ZDHHC14: variants seen among roughly 807,000 people sequenced by gnomAD.
ZDHHC14 encodes the protein palmitoyltransferase ZDHHC14.
Under a neutral mutation model 47.7 loss-of-function variants are expected in ZDHHC14, and 16 were observed. The observed-to-expected ratio is 0.34, with a 90% confidence interval of 0.23 to 0.51. ZDHHC14 has a LOEUF of 0.51. Ranked by LOEUF, ZDHHC14 falls within the 20% of genes least tolerant of loss-of-function variation. The pLI, the probability that ZDHHC14 is intolerant of heterozygous loss-of-function variation, is 0.97. For synonymous variants in ZDHHC14, 293 were observed against 278.9 expected, an observed-to-expected ratio of 1.05 and a Z score of -0.50; for missense variants, 515 against 662.5, an observed-to-expected ratio of 0.78 and a Z score of 2.44.
intron 3 of ZDHHC14, among the ~76,000 whole-genome samples, chr6:157,622,091 G>T (rs1424640314): frequency 6.6e-6 from 1 of 151,892 alleles, no homozygotes; most frequent in Non-Finnish European, 1.5e-5. Flanking sequence ...ATTCTTTTCG[G>T]CTGGGCATGG....
chr6:157,464,992 A>T (rs111934554), intron 1 of ZDHHC14, among the ~76,000 whole-genome samples: 2,969 of 152,282 alleles, frequency 0.019, 102 homozygotes, highest in African/African-American at 0.068. Context: ...CAGCCTTGAA[A>T]GACCCAGGCT....
intron 2 of ZDHHC14, among the ~76,000 whole-genome samples, chr6:157,574,088 A>G (rs763141575): frequency 9.2e-5 from 14 of 151,550 alleles, no homozygotes; most frequent in Non-Finnish European, 1.9e-4. Context: ...AAATGACTCA[A>G]CAACACCACA....
At chr6:157,469,900 T>C (rs1428912092) in intron 1 of ZDHHC14, among the ~76,000 whole-genome samples, 1 of 152,198 alleles carries the variant, frequency 6.6e-6, no homozygotes, top group African/African-American at 2.4e-5. Context: ...CTGTCACTTC[T>C]TCCCTCTCTC....
intron 1 of ZDHHC14, among the ~76,000 whole-genome samples, chr6:157,408,372 G>A (rs1012986331): frequency 6.6e-6 from 1 of 151,974 alleles, no homozygotes; most frequent in Non-Finnish European, 1.5e-5. Context: ...AACGTGTGCC[G>A]TGGTGGTTTG....
In ZDHHC14 at chr6:157,471,857, C is replaced by G. The variant is rs113731856; in HGVS notation, c.246-70728C>G. Among the ~76,000 whole-genome samples, 6 of 152,276 alleles carry G rather than the reference C, an allele frequency of 3.9e-5. No homozygotes were observed. The South Asian group carries it at 1.2e-3, about 32-fold the overall frequency. ...GTTCCAATGCTCCCTCCCTCGGGGC[C>G]CCTTCCCTCGGAGTTCCTCTTAAGG... On this transcript the variant is annotated intron_variant, in intron 1 of 8. Transcript: ENST00000359775.
chr6:157,663,590 G>A (rs907089048), intron 8 of ZDHHC14, among the ~76,000 whole-genome samples: 8 of 152,134 alleles, frequency 5.3e-5, no homozygotes, highest in Non-Finnish European at 1.0e-4. Flanking sequence ...TACATTTACC[G>A]GCCATTCAGG....
intron 1 of ZDHHC14, among the ~76,000 whole-genome samples, chr6:157,416,844 T>C (rs987583672): frequency 2.7e-5 from 4 of 149,536 alleles, no homozygotes; most frequent in African/African-American, 9.8e-5. Context: ...TCTCGAACTG[T>C]CGCTCAGGCT....
chr6:157,597,512 G>A (rs202120460), intron 3 of ZDHHC14, among the ~76,000 whole-genome samples: 4 of 152,364 alleles, frequency 2.6e-5, no homozygotes, highest in East Asian at 3.9e-4. Flanking sequence ...AAACTAATAA[G>A]AAAGTTTGCT....
rs150473857 is a variant in ZDHHC14, at chr6:157,467,101, A to G, written c.246-75484A>G. On this transcript the variant is annotated intron_variant, in intron 1 of 8. Coordinates refer to ENST00000359775, the MANE Select transcript of ZDHHC14 (RefSeq NM_024630.3). ...TTGGAAACACCATCCGAGTTTTTAAATTTATTTTGAAGGAGGTCATAAAAT... is the reference window on the plus strand; with the variant it reads ...TTGGAAACACCATCCGAGTTTTTAAGTTTATTTTGAAGGAGGTCATAAAAT... Among the ~76,000 whole-genome samples, 904 of 152,252 alleles carry G rather than the reference A, an allele frequency of 5.9e-3. 11 individuals are homozygous for G. Among genetic ancestry groups the G allele is most frequent in the African/African-American group, 0.02 (834 of 41,548 alleles).
chr6:157,484,840 AT>A (rs1779739078), intron 1 of ZDHHC14, among the ~76,000 whole-genome samples: 3 of 152,134 alleles, frequency 2.0e-5, no homozygotes, highest in Non-Finnish European at 4.4e-5. Context: ...CTAAATTACA[AT>A]TCCGGATAGT....
intron 1 of ZDHHC14, among the ~76,000 whole-genome samples, chr6:157,528,458 G>A (rs1260215775): frequency 1.3e-5 from 2 of 150,880 alleles, no homozygotes; most frequent in African/African-American, 2.4e-5. Flanking sequence ...TAGGGTGGGC[G>A]CAGTGGCTCA....
intron 1 of ZDHHC14, among the ~76,000 whole-genome samples, chr6:157,479,255 A>G (rs966187437): frequency 6.6e-6 from 1 of 152,246 alleles, no homozygotes; most frequent in Non-Finnish European, 1.5e-5. Context: ...TGTTTTGAGG[A>G]TTAAATGAAC....
At chr6:157,608,963 A>G (rs1009741201) in intron 3 of ZDHHC14, among the ~76,000 whole-genome samples, 3 of 152,204 alleles carry the variant, frequency 2.0e-5, no homozygotes, top group Non-Finnish European at 4.4e-5. Context: ...TTGATACTTC[A>G]TTAAATTCCT....
chr6:157,546,723 G>C (rs1781985377), intron 2 of ZDHHC14, among the ~76,000 whole-genome samples: 1 of 152,088 alleles, frequency 6.6e-6, no homozygotes, highest in South Asian at 2.1e-4. Flanking sequence ...AACTGATTTG[G>C]GGTTAGAAAA....
At chr6:157,416,445 T>A (rs1181654052) in intron 1 of ZDHHC14, among the ~76,000 whole-genome samples, 1 of 151,968 alleles carries the variant, frequency 6.6e-6, no homozygotes, top group Non-Finnish European at 1.5e-5. Flanking sequence ...AGAGGATTGC[T>A]TAAGTTCAAG....
intron 5 of ZDHHC14, among the ~76,000 whole-genome samples, chr6:157,643,910 A>G (rs1225130980): frequency 1.3e-5 from 2 of 152,058 alleles, no homozygotes; most frequent in Non-Finnish European, 1.5e-5. Context: ...TTGGTGACAC[A>G]TAAGTATTTC....
intron 2 of ZDHHC14, among the ~76,000 whole-genome samples, chr6:157,567,811 A>AC (rs1192137568): frequency 1.1e-4 from 3 of 27,496 alleles, no homozygotes; most frequent in African/African-American, 2.4e-4. Flanking sequence ...ACCCCATCTC[A>AC]AAAAAAAAAA....
intron 1 of ZDHHC14, among the ~76,000 whole-genome samples, chr6:157,489,229 A>C (rs1388928003): frequency 6.6e-6 from 1 of 152,220 alleles, no homozygotes; most frequent in Non-Finnish European, 1.5e-5. Context: ...TAGAATTGAA[A>C]TTTTTAGAAA....
chr6:157,570,123 T>C (rs1349303389), intron 2 of ZDHHC14, among the ~76,000 whole-genome samples: 1 of 152,214 alleles, frequency 6.6e-6, no homozygotes, highest in East Asian at 1.9e-4. Context: ...AAAGATAAAA[T>C]CTTGCACCAG....
Sources: allele counts gnomAD v4.1 joint callset (sites outside exome capture counted in the v4.1 genomes callset), GRCh38; gene constraint gnomAD v4.1.1; transcripts MANE v1.5; gene names NCBI Gene and HGNC (gene_info 2026-07-23, HGNC 2026-07-21).